WASHC2A: variants seen among roughly 807,000 people sequenced by gnomAD.
WASHC2A encodes WASH complex subunit FAM21A.
WASHC2A carries 82 observed loss-of-function variants against 140.3 expected under a neutral mutation model. The observed-to-expected ratio is 0.58, with a 90% CI of 0.49 to 0.70. The LOEUF (loss-of-function observed/expected upper bound fraction) is 0.70. WASHC2A is among the 30% of genes least tolerant of loss of function. The pLI is 0.00. For missense variants in WASHC2A, 985 were observed against 1,521.8 expected, an observed-to-expected ratio of 0.65 and a Z score of 5.87; for synonymous variants, 340 against 560.8, an observed-to-expected ratio of 0.61 and a Z score of 5.56.
intron 16 of WASHC2A, 88 bp downstream of exon 16, chr10:50,097,890 T>A (rs1321488976): frequency 1.4e-5 from 23 of 1,596,434 alleles, no homozygotes; most frequent in African/African-American, 4.1e-5. Context: ...TGCTGTTCCC[T>A]TTCACGTTCA....
chr10:50,082,514 C>G (rs1369563921), intron 5 of WASHC2A, among the ~76,000 whole-genome samples: 18 of 144,876 alleles, frequency 1.2e-4, no homozygotes, highest in Admixed American at 4.9e-4. Flanking sequence ...CAGAGTTTCA[C>G]TCTTGTTGCC....
Position 50,069,572 on chromosome 10 carries a change from C to T in WASHC2A, c.152C>T (p.Ser51Leu), listed in dbSNP as rs1554875455. The change falls in exon 3 of 31, where the codon TCA becomes TTA. Residue 51 changes from serine to leucine, a missense_variant. Transcript: ENST00000282633. ...CTACTACAGTTTCTACAGGAATTCTCACAGCAAACTATCTCTAGGACCCAT... is the reference window on the plus strand; with the variant it reads ...CTACTACAGTTTCTACAGGAATTCTTACAGCAAACTATCTCTAGGACCCAT... ...AGLLQFLQEF[S>L]QQTISRTHEI... The T allele has an allele frequency of 2.5e-6, 4 of 1,613,224 alleles. No individual in the cohort carries two copies. The highest frequency in any genetic ancestry group is 1.7e-5 in the Admixed American group (1 of 59,836).
chr10:50,104,580 C>G (rs373404469), intron 18 of WASHC2A, among the ~76,000 whole-genome samples: 2 of 152,084 alleles, frequency 1.3e-5, no homozygotes, highest in Admixed American at 6.6e-5. Flanking sequence ...TAGTTTCGAA[C>G]TCCTGATCTC....
At chr10:50,126,576 T>G in intron 26 of WASHC2A, 1 of 276,696 alleles carries the variant, frequency 3.6e-6, no homozygotes, top group Non-Finnish European at 6.9e-6. Context: ...CCAAGGTCAT[T>G]GCTGTTGGGC....
intron 3 of WASHC2A, among the ~76,000 whole-genome samples, chr10:50,072,153 C>T (rs1564742208): frequency 6.8e-6 from 1 of 146,304 alleles, no homozygotes; most frequent in African/African-American, 2.6e-5. Context: ...CTCAAGCGAT[C>T]TGCCCATTGC....
At chr10:50,088,699 C>T (rs1271650689) in intron 8 of WASHC2A, among the ~76,000 whole-genome samples, 5 of 114,772 alleles carry the variant, frequency 4.4e-5, no homozygotes, top group African/African-American at 1.3e-4. Flanking sequence ...CCTACAATCT[C>T]ATCACTGGGG....
intron 7 of WASHC2A, among the ~76,000 whole-genome samples, chr10:50,086,224 C>G (rs1839362516): frequency 6.6e-6 from 1 of 151,134 alleles, no homozygotes; most frequent in African/African-American, 2.4e-5. Context: ...GTCCCCCTTT[C>G]TGCACTCTCC....
chr10:50,101,354 C>G (rs1319847967), intron 17 of WASHC2A, among the ~76,000 whole-genome samples: 1 of 152,312 alleles, frequency 6.6e-6, no homozygotes, highest in Non-Finnish European at 1.5e-5. Flanking sequence ...TCTTCGATTT[C>G]TCTGTGAGGC....
Position 50,095,732 on chromosome 10 carries a change from T to A in WASHC2A, c.1374T>A (p.Asp458Glu), listed in dbSNP as rs1840439131. The change falls in exon 15 of 31, where the codon GAT becomes GAA. Residue 458 changes from aspartate (D) to glutamate (E), a missense_variant. Transcript: ENST00000282633. Reference protein sequence around the residue: ...TGLFDDDDGDDDDDFFSAPHS... With the variant: ...TGLFDDDDGDEDDDFFSAPHS... Reference sequence around the variant, plus strand: ...TCTTTGATGATGATGATGGTGATGATGATGACGACTTTTTCTCGGCACCCC... The same window carrying A: ...TCTTTGATGATGATGATGGTGATGAAGATGACGACTTTTTCTCGGCACCCC... 1.2e-6 allele frequency: 2 copies of A among 1,611,452 alleles called. No individual in the cohort carries two copies. Among genetic ancestry groups the A allele is most frequent in the African/African-American group, 1.3e-5 (1 of 74,732 alleles).
intron 20 of WASHC2A, among the ~76,000 whole-genome samples, chr10:50,111,559 T>C (rs1317610699): frequency 6.6e-6 from 1 of 152,204 alleles, no homozygotes; most frequent in African/African-American, 2.4e-5. Context: ...GGAATCTAAA[T>C]GTGAAATGCT....
rs558379023 is a variant in WASHC2A, at chr10:50,072,580, G to A, written c.291+2869G>A. Among the ~76,000 whole-genome samples the A allele has an allele frequency of 1.9e-3, 243 of 129,376 alleles. 1 individual carries two copies. Among genetic ancestry groups the A allele is most frequent in the African/African-American group, 6.5e-3 (233 of 35,770 alleles). 84.9% of individuals were successfully genotyped at this position (129,376 alleles called of 152,430 possible). On this transcript the variant is annotated intron_variant, in intron 3 of 30. Transcript: ENST00000282633. ...CAGCCCACTGCAAGCTCTACCTCCC[G>A]GGTTCACGCCATTCTCCTGACTCAG...
At chr10:50,103,342 A>G (rs1841410359) in intron 17 of WASHC2A, among the ~76,000 whole-genome samples, 1 of 151,668 alleles carries the variant, frequency 6.6e-6, no homozygotes, top group African/African-American at 2.4e-5. Context: ...GGCGGATCAC[A>G]AGGTCAGGAG....
At chr10:50,125,634 C>T (rs1362257004) in intron 25 of WASHC2A, among the ~76,000 whole-genome samples, 185 bp downstream of exon 25, 63 of 152,330 alleles carry the variant, frequency 4.1e-4, no homozygotes, top group African/African-American at 1.4e-3. Context: ...TGTTGTTCCT[C>T]ATTTTATGTT....
In WASHC2A at chr10:50,112,512, A is replaced by G. The variant is rs1310433100; in HGVS notation, c.2040-1383A>G. 6.1e-5 allele frequency: 7 copies of G among 115,546 alleles called. 2 individuals carry two copies. Among genetic ancestry groups the G allele is most frequent in the African/African-American group, 1.8e-4 (5 of 27,988 alleles). The allele number at this position is 115,546 out of a possible 1,614,324, so 7.2% of individuals were successfully genotyped here. On this transcript the variant is annotated intron_variant, in intron 20 of 30. Transcript: ENST00000282633. ...TTGGCATTTCCTCAAAATGTTAAAC[A>G]TAGAGTCACCATATGACATAATAGT...
rs191376107 is a variant in WASHC2A at position 50,067,990 on chromosome 10, G to A, written c.-16G>A. The A allele has an allele frequency of 2.1e-5, 34 of 1,605,162 alleles. No individual in the cohort carries two copies. The highest frequency in any genetic ancestry group is 2.1e-4 in the South Asian group (19 of 90,306). On this transcript the variant is annotated 5_prime_UTR_variant, in exon 1 of 31. Coordinates refer to ENST00000282633, the MANE Select transcript of WASHC2A (RefSeq NM_001005751.3). The stretch of plus-strand genomic sequence containing the variant: ...TGTGCTGGCAGCTTCGGAGCCCACC[G>A]AGCCGGGCGGCTAGGATGGTGAGGG...
chr10:50,113,580 G>A lies in WASHC2A; in HGVS notation c.2040-315G>A, dbSNP rs1469570898. ...TTTTTGTGCTATAGGAAGTGGGAGAGAATGTTCTGCTTGGGAAGGCTCAGG... is the reference window on the plus strand; with the variant it reads ...TTTTTGTGCTATAGGAAGTGGGAGAAAATGTTCTGCTTGGGAAGGCTCAGG... On this transcript the variant is annotated intron_variant, in intron 20 of 30. Transcript: ENST00000282633. Among the ~76,000 whole-genome samples, 15 of 151,354 alleles carry A rather than the reference G, an allele frequency of 9.9e-5. 1 individual carries two copies. Among genetic ancestry groups the A allele is most frequent in the Non-Finnish European group, 1.8e-4 (12 of 67,842 alleles).
At chr10:50,070,059 A>G (rs1837664151) in intron 3 of WASHC2A, among the ~76,000 whole-genome samples, 1 of 152,178 alleles carries the variant, frequency 6.6e-6, no homozygotes, top group Non-Finnish European at 1.5e-5. Context: ...CCCTCTGGAC[A>G]CCAGCATATG....
At chr10:50,125,595 C>T (rs1411882564) in intron 25 of WASHC2A, 146 bp downstream of exon 25, 21 of 1,560,862 alleles carry the variant, frequency 1.3e-5, no homozygotes, top group African/African-American at 9.6e-5. Context: ...CTGAGGGGAG[C>T]GTGTGTGGAG....
chr10:50,124,166 G>A (rs2805226), intron 23 of WASHC2A, among the ~76,000 whole-genome samples: 5 of 152,046 alleles, frequency 3.3e-5, no homozygotes, highest in African/African-American at 4.8e-5. Flanking sequence ...GTGCAGTGGC[G>A]TGATCTCGGC....
Sources: allele counts gnomAD v4.1 joint callset (sites outside exome capture counted in the v4.1 genomes callset), GRCh38; gene constraint gnomAD v4.1.1; transcripts MANE v1.5; gene names NCBI Gene and HGNC (gene_info 2026-07-23, HGNC 2026-07-21).